The following WWP1 variants were observed in gnomAD, a reference collection of about 807,000 sequenced individuals.
The protein encoded by WWP1 is NEDD4-like E3 ubiquitin-protein ligase WWP1.
In WWP1, 49 loss-of-function variants were observed where a neutral mutation model predicts 130.6. The observed-to-expected ratio is 0.38, with a 90% CI of 0.30 to 0.48. The LOEUF (loss-of-function observed/expected upper bound fraction) is 0.48, where lower values mean the gene tolerates loss of function less well. WWP1 is among the 20% of genes least tolerant of loss of function. The pLI is 0.99. For synonymous variants in WWP1, 332 were observed against 367.8 expected (o/e 0.90, Z 1.11); for missense variants, 809 against 1,100.6 (o/e 0.74, Z 3.75).
At chr8:86,419,435 A>G (rs1586408040) in intron 9 of WWP1, among the ~76,000 whole-genome samples, 1 of 152,226 alleles carries the variant, frequency 6.6e-6, no homozygotes, top group Admixed American at 6.5e-5. Flanking sequence ...AAAAGATAAC[A>G]GACTATTTTA....
intron 22 of WWP1, among the ~76,000 whole-genome samples, chr8:86,458,260 G>A (rs1811566694): frequency 6.6e-6 from 1 of 152,146 alleles, no homozygotes. Flanking sequence ...TTAAGTAATA[G>A]TTTAATGTTA....
rs774352511 is a variant in WWP1, at chr8:86,398,560, CTTG to C, written c.473-6_473-4del. 1.2e-5 allele frequency: 19 copies of C among 1,611,412 alleles called. No individual in the cohort carries two copies. The highest frequency in any genetic ancestry group is 1.1e-5 in the South Asian group (1 of 90,436). ...ATATAAAAACCTAGTTTTTTTCTTTCTTGTTGTTCAGTAGAAATACAGGAAAAT... is the reference window on the plus strand; with the variant it reads ...ATATAAAAACCTAGTTTTTTTCTTTCTTGTTCAGTAGAAATACAGGAAAAT... On this transcript the variant is annotated splice_polypyrimidine_tract_variant and intron_variant, in intron 6 of 24. Transcript: ENST00000517970.
chr8:86,371,362 A>G (rs769013900), intron 2 of WWP1, among the ~76,000 whole-genome samples: 12 of 152,234 alleles, frequency 7.9e-5, no homozygotes, highest in South Asian at 2.1e-4. Flanking sequence ...ATAAAATTCA[A>G]AATTACTCAT....
At chr8:86,358,755 C>T (rs894418085) in intron 1 of WWP1, among the ~76,000 whole-genome samples, 1 of 152,002 alleles carries the variant, frequency 6.6e-6, no homozygotes, top group Non-Finnish European at 1.5e-5. Flanking sequence ...TTAATCCACC[C>T]ACCTTGGCCT....
chr8:86,425,993 T>C (rs1456824869), intron 10 of WWP1, among the ~76,000 whole-genome samples: 1 of 152,222 alleles, frequency 6.6e-6, no homozygotes, highest in Non-Finnish European at 1.5e-5. Context: ...CAGATTTCCC[T>C]TCCAGATTCA....
At chr8:86,425,899 G>A (rs1809596557) in intron 10 of WWP1, among the ~76,000 whole-genome samples, 1 of 152,052 alleles carries the variant, frequency 6.6e-6, no homozygotes, top group South Asian at 2.1e-4. Flanking sequence ...CTACATAACT[G>A]CACTGATAGC....
intron 21 of WWP1, 28 bp from the exon 22 acceptor site, chr8:86,457,893 G>A: frequency 1.9e-6 from 3 of 1,594,004 alleles, no homozygotes; most frequent in Non-Finnish European, 2.6e-6. Flanking sequence ...AATCTTTATT[G>A]TGGCCTGATT....
At chr8:86,371,868 G>T (rs1824313978) in intron 2 of WWP1, among the ~76,000 whole-genome samples, 3 of 151,724 alleles carry the variant, frequency 2.0e-5, no homozygotes, top group Admixed American at 6.6e-5. Flanking sequence ...TTGAATCAGG[G>T]TCTTGCTCTG....
At chr8:86,409,451 G>C (rs1414038653) in intron 8 of WWP1, among the ~76,000 whole-genome samples, 1 of 150,160 alleles carries the variant, frequency 6.7e-6, no homozygotes, top group South Asian at 2.1e-4. Context: ...GGTCAGGGTG[G>C]TCTCAAACTC....
intron 1 of WWP1, among the ~76,000 whole-genome samples, chr8:86,366,078 C>T (rs534744112): frequency 6.6e-6 from 1 of 152,312 alleles, no homozygotes; most frequent in Admixed American, 6.5e-5. Flanking sequence ...ATGACATTGC[C>T]AGTAGGTCCC....
At position 86,362,379 on chromosome 8, in the gene WWP1, G is replaced by C. The variant is rs182014607; in HGVS notation, c.-114-6560G>C. On this transcript the variant is annotated intron_variant, in intron 1 of 24. Coordinates refer to ENST00000517970, the MANE Select transcript of WWP1 (RefSeq NM_007013.4). ...CCACATCAGTGTTTATTGAGTGATT[G>C]AATTGTAGTCTTATGGTGCAGACAG... Among the ~76,000 whole-genome samples the C allele has an allele frequency of 8.6e-5, 13 of 151,300 alleles. No homozygotes were observed. The East Asian group carries it at 2.1e-3, about 25-fold the overall frequency.
chr8:86,442,856 G>A (rs566336244), intron 18 of WWP1, 78 bp downstream of exon 18: 252 of 1,200,902 alleles, frequency 2.1e-4, no homozygotes, highest in African/African-American at 8.2e-4. Flanking sequence ...AAAAAAAAAA[G>A]GATAAGCATT....
rs1057325130 is a variant in WWP1 at position 86,431,072 on chromosome 8, T to G, written c.1387+321T>G. On this transcript the variant is annotated intron_variant, in intron 12 of 24. Transcript: ENST00000517970. ...ATTATAAGGGATATATATATGTATA[T>G]TATAAGGGATATATATATGTATTAT... Among the ~76,000 whole-genome samples the G allele has an allele frequency of 1.1e-4, 14 of 129,682 alleles. No individual in the cohort carries two copies. In the East Asian group the frequency reaches 1.8e-3, roughly 17 times the overall value. The allele number at this position is 129,682 out of a possible 152,430, so 85.1% of individuals were successfully genotyped here.
chr8:86,374,082 G>C lies in WWP1; in HGVS notation c.32G>C (p.Ser11Thr). MATASPRSDT[S>T]NNHSGRLQLQ... ...ACTGCTTCACCAAGGTCTGATACTA[G>C]TAATAACCACAGTGGAAGGTTGCAG... Residue 11 changes from serine (S) to threonine (T), a missense_variant, in exon 3 of 25, where the codon AGT becomes ACT. Physicochemically the swap from Ser to Thr is moderately conservative, Grantham distance 58. Coordinates refer to ENST00000517970, the MANE Select transcript of WWP1 (RefSeq NM_007013.4). 6.2e-7 allele frequency: 1 copy of C among 1,610,660 alleles called. No homozygotes were observed. Among genetic ancestry groups the C allele is most frequent in the South Asian group, 1.1e-5 (1 of 90,292 alleles).
In WWP1 at chr8:86,461,317, A is replaced by G. The variant is rs141156321; in HGVS notation, c.2593A>G (p.Met865Val). 1 of 1,611,336 alleles carries G rather than the reference A, an allele frequency of 6.2e-7. No homozygotes were observed. Among genetic ancestry groups the G allele is most frequent in the African/African-American group, 1.3e-5 (1 of 74,842 alleles). The change falls in exon 23 of 25, where the codon ATG becomes GTG. Residue 865 changes from methionine to valine, a missense_variant. Coordinates refer to ENST00000517970, the MANE Select transcript of WWP1 (RefSeq NM_007013.4). ...RLPLGGFAEL[M>V]GSNGPQKFCI... is the part of the protein sequence containing the mutation. ...ACCTCTAGGAGGATTTGCTGAGCTC[A>G]TGGGTAAATGTAATTTCACTGTAAT...
In WWP1 at chr8:86,448,408, A is replaced by G. The variant is rs906171782; in HGVS notation, c.2168A>G (p.Tyr723Cys). The G allele has an allele frequency of 1.2e-6, 2 of 1,613,498 alleles. No individual in the cohort carries two copies. The highest frequency in any genetic ancestry group is 2.7e-5 in the African/African-American group (2 of 74,890). Residue 723 changes from tyrosine to cysteine, a missense_variant, in exon 20 of 25, where the codon TAC (tyrosine) becomes TGC (cysteine). Coordinates refer to ENST00000517970, the MANE Select transcript of WWP1 (RefSeq NM_007013.4). ...NNIEECGLEM[Y>C]FSVDMEILGK... ...ATTGAAGAATGTGGCTTAGAAATGT[A>G]CTTTTCTGTTGACATGGAGATTTTG...
chr8:86,451,761 A>G (rs574562042), intron 20 of WWP1, among the ~76,000 whole-genome samples: 27 of 152,230 alleles, frequency 1.8e-4, no homozygotes, highest in Admixed American at 1.7e-3. Context: ...TCTCTGTATG[A>G]GGTGGTGTAT....
chr8:86,373,217 A>G (rs1287464466), intron 2 of WWP1, among the ~76,000 whole-genome samples: 1 of 151,938 alleles, frequency 6.6e-6, no homozygotes, highest in Non-Finnish European at 1.5e-5. Flanking sequence ...AACTTAGAAC[A>G]TTTTTTGAAA....
At chr8:86,385,377 T>G (rs1301182370) in intron 5 of WWP1, among the ~76,000 whole-genome samples, 1 of 151,872 alleles carries the variant, frequency 6.6e-6, no homozygotes, top group Non-Finnish European at 1.5e-5. Flanking sequence ...GTAGGCTGAG[T>G]TTTTAGGTGT....
Sources: allele counts gnomAD v4.1 joint callset (sites outside exome capture counted in the v4.1 genomes callset), GRCh38; gene constraint gnomAD v4.1.1; transcripts MANE v1.5; gene names NCBI Gene and HGNC (gene_info 2026-07-23, HGNC 2026-07-21).